TRPC6: variants seen among roughly 807,000 people sequenced by gnomAD.
The protein encoded by TRPC6 is short transient receptor potential channel 6.
Under a neutral mutation model 90.7 loss-of-function variants are expected in TRPC6, and 55 were observed. The ratio of observed to expected loss-of-function variants is 0.61; its 90% confidence interval spans 0.49 to 0.76. The LOEUF (loss-of-function observed/expected upper bound fraction) is 0.76. Ranked by LOEUF, TRPC6 falls within the 30% of genes least tolerant of loss-of-function variation. The pLI is 0.00. For synonymous variants in TRPC6, 393 were observed against 393.0 expected, an observed-to-expected ratio of 1.00 and a Z score of 0.00; for missense variants, 989 against 1,122.7, an observed-to-expected ratio of 0.88 and a Z score of 1.70.
chr11:101,504,726 A>C lies in TRPC6; in HGVS notation c.243T>G (p.Asn81Lys). 1 of 1,596,806 alleles carries C rather than the reference A, an allele frequency of 6.3e-7. No individual in the cohort carries two copies. The highest frequency in any genetic ancestry group is 8.5e-7 in the Non-Finnish European group (1 of 1,170,880). ...CACTAAACATGTATGCTGGTCCTCG[A>C]TTAGCTAACCTTCTCCCCTTCTCAC... is the stretch of plus-strand genomic sequence containing the variant. ...VLREKGRRLA[N>K]RGPAYMFSDR... The change falls in exon 2 of 13, where the codon AAT (asparagine) becomes AAG (lysine). Residue 81 changes from asparagine (N) to lysine (K), a missense_variant. By Grantham distance (94) the Asn-to-Lys change is moderately conservative (BLOSUM62 0). This residue lies in a region of TRPC6 where 194 missense variants were observed against 136.5 expected (regional missense o/e 1.42). Coordinates refer to ENST00000344327, the MANE Select transcript of TRPC6 (RefSeq NM_004621.6).
At chr11:101,505,839 C>A (rs1243147114) in intron 1 of TRPC6, among the ~76,000 whole-genome samples, 1 of 151,916 alleles carries the variant, frequency 6.6e-6, no homozygotes, top group Non-Finnish European at 1.5e-5. Flanking sequence ...ATGGCAAAAC[C>A]CCATCTCTGC....
intron 1 of TRPC6, among the ~76,000 whole-genome samples, chr11:101,517,499 G>A (rs183684883): frequency 9.3e-4 from 141 of 152,104 alleles, no homozygotes; most frequent in Non-Finnish European, 1.7e-3. Flanking sequence ...TATCCTACTC[G>A]GTGATTCTTT....
rs1860199415 is a variant in TRPC6 at position 101,504,247 on chromosome 11, TTC to T, written c.720_721del (p.Lys241GlyfsTer3). On this transcript the variant is annotated frameshift_variant, in exon 2 of 13. Coordinates refer to ENST00000344327, the MANE Select transcript of TRPC6 (RefSeq NM_004621.6). LOFTEE classifies it high-confidence loss of function. ...ATGAGGCCGTTCAATCCTAGCACCCTTCCGCAGGAGGGTATGCACAATTTCAT... is the reference window on the plus strand; with the variant it reads ...ATGAGGCCGTTCAATCCTAGCACCCTCGCAGGAGGGTATGCACAATTTCAT... 6.2e-7 allele frequency: 1 copy of T among 1,613,978 alleles called. No homozygotes were observed.
intron 1 of TRPC6, among the ~76,000 whole-genome samples, chr11:101,532,577 G>A (rs536881780): frequency 1.2e-4 from 19 of 152,290 alleles, no homozygotes; most frequent in Middle Eastern, 3.4e-3. Context: ...TCCAAGAGGT[G>A]GAAGTAACTG....
chr11:101,562,660 G>A (rs1330330053), intron 1 of TRPC6, among the ~76,000 whole-genome samples: 1 of 152,060 alleles, frequency 6.6e-6, no homozygotes, highest in Non-Finnish European at 1.5e-5. Context: ...AAGCATAATA[G>A]GAAAAGTGCC....
chr11:101,533,120 T>C (rs1355230229), intron 1 of TRPC6, among the ~76,000 whole-genome samples: 2 of 151,774 alleles, frequency 1.3e-5, no homozygotes, highest in African/African-American at 4.8e-5. Context: ...CTTTGGGAGG[T>C]GATCAGGGTG....
intron 1 of TRPC6, among the ~76,000 whole-genome samples, chr11:101,564,219 T>C (rs903807776): frequency 1.3e-5 from 2 of 152,216 alleles, no homozygotes; most frequent in African/African-American, 4.8e-5. Context: ...GCTAGGTTTA[T>C]TCCTTAAGTT....
chr11:101,483,288 A>G (rs1205633816), intron 4 of TRPC6, 123 bp from the exon 5 acceptor site: 1 of 1,171,556 alleles, frequency 8.5e-7, no homozygotes. Flanking sequence ...AATTGTTTAT[A>G]TTTATGTAAT....
intron 1 of TRPC6, among the ~76,000 whole-genome samples, chr11:101,527,712 T>A (rs951941068): frequency 6.6e-6 from 1 of 151,104 alleles, no homozygotes; most frequent in East Asian, 1.9e-4. Flanking sequence ...AATAATTGAT[T>A]TTTTTTCCTA....
intron 1 of TRPC6, among the ~76,000 whole-genome samples, chr11:101,554,083 G>A (rs78738080): frequency 0.028 from 4,316 of 152,136 alleles, 210 homozygotes; most frequent in African/African-American, 0.084. Flanking sequence ...TTCACTGGCC[G>A]GTGACTTTTA....
chr11:101,462,425 A>T (rs1006869501), intron 10 of TRPC6, among the ~76,000 whole-genome samples: 1 of 152,150 alleles, frequency 6.6e-6, no homozygotes, highest in Admixed American at 6.5e-5. Flanking sequence ...CATGATATTG[A>T]TTCTTCCTAT....
intron 1 of TRPC6, among the ~76,000 whole-genome samples, chr11:101,559,927 T>A (rs1234021357): frequency 6.6e-6 from 1 of 152,056 alleles, no homozygotes; most frequent in African/African-American, 2.4e-5. Flanking sequence ...GAATGATGGT[T>A]TCCAGCTTCA....
chr11:101,502,964 T>TAGAGA (rs10649572), intron 2 of TRPC6, among the ~76,000 whole-genome samples: 39,158 of 151,808 alleles, frequency 0.26, 5,146 homozygotes, highest in African/African-American at 0.28. Context: ...TCTCTCAGCA[T>TAGAGA]ATAGAAAAAA....
In TRPC6 at chr11:101,471,328, T is replaced by G; in HGVS notation, c.2264A>C (p.Glu755Ala). 1 of 1,613,918 alleles carries G rather than the reference T, an allele frequency of 6.2e-7. No homozygotes were observed. Among genetic ancestry groups the G allele is most frequent in the South Asian group, 1.1e-5 (1 of 91,072 alleles). ...ARAKLWFSYF[E>A]EGRTLPVPFN... ...GGGTACAGGAAGTGTTCTGCCCTCC[T>G]CAAAGTAGGAAAACCAGAGTTTGGC... Residue 755 changes from glutamate (E) to alanine (A), a missense_variant, in exon 9 of 13, where the codon GAG (glutamate) becomes GCG (alanine). Glu to Ala is a moderately radical substitution (Grantham distance 107, BLOSUM62 -1). Around this residue, in one of 4 missense-constraint regions of TRPC6, gnomAD observed 191 missense variants for 196.7 expected, o/e 0.97. Coordinates refer to ENST00000344327, the MANE Select transcript of TRPC6 (RefSeq NM_004621.6).
At chr11:101,467,055 T>TATGAG (rs1413784774) in intron 10 of TRPC6, among the ~76,000 whole-genome samples, 1 of 152,148 alleles carries the variant, frequency 6.6e-6, no homozygotes, top group African/African-American at 2.4e-5. Flanking sequence ...AGCCAGTCCC[T>TATGAG]ATGAGATGAA....
intron 1 of TRPC6, among the ~76,000 whole-genome samples, chr11:101,533,434 T>A (rs1284446676): frequency 6.6e-6 from 1 of 152,138 alleles, no homozygotes; most frequent in Non-Finnish European, 1.5e-5. Flanking sequence ...TCACTAGAAT[T>A]CACTGTCACA....
chr11:101,520,309 C>T (rs111656686), intron 1 of TRPC6, among the ~76,000 whole-genome samples: 13 of 152,246 alleles, frequency 8.5e-5, no homozygotes, highest in African/African-American at 3.1e-4. Flanking sequence ...CCTTCCACCA[C>T]AATTGTAAGT....
intron 4 of TRPC6, among the ~76,000 whole-genome samples, chr11:101,485,362 AT>A (rs1370564756): frequency 6.6e-6 from 1 of 151,992 alleles, no homozygotes; most frequent in Non-Finnish European, 1.5e-5. Flanking sequence ...AGTAAGTTTG[AT>A]TTTCTTCTGC....
chr11:101,547,128 G>C (rs1437334409), intron 1 of TRPC6, among the ~76,000 whole-genome samples: 2 of 151,962 alleles, frequency 1.3e-5, no homozygotes, highest in Non-Finnish European at 2.9e-5. Context: ...CCTTGATCTT[G>C]GCCATTGCTA....
Sources: allele counts gnomAD v4.1 joint callset (sites outside exome capture counted in the v4.1 genomes callset), GRCh38; gene constraint gnomAD v4.1.1; regional missense constraint gnomAD v4.1.1; transcripts MANE v1.5; gene names NCBI Gene and HGNC (gene_info 2026-07-23, HGNC 2026-07-21).